ELOA: variants seen among roughly 807,000 people sequenced by gnomAD.
The protein encoded by ELOA is elongin-A.
A neutral mutation model predicts 85.2 loss-of-function variants in ELOA; 15 were observed. The observed-to-expected ratio is 0.18, with a 90% confidence interval of 0.12 to 0.27. ELOA has a LOEUF of 0.27. ELOA is among the 10% of genes least tolerant of loss of function. The probability of loss-of-function intolerance (pLI) is 1.00; values close to 1 mark genes in which losing one functional copy is unlikely to be tolerated. For synonymous variants in ELOA, 348 were observed against 357.2 expected (o/e 0.97, Z 0.29); for missense variants, 769 against 952.7 (o/e 0.81, Z 2.54).
chr1:23,755,287 A>AG (rs1470135968), intron 7 of ELOA, among the ~76,000 whole-genome samples: 2 of 152,200 alleles, frequency 1.3e-5, no homozygotes, highest in African/African-American at 2.4e-5. Context: ...GATTTTCTAA[A>AG]GGAAAAGACT....
intron 7 of ELOA, among the ~76,000 whole-genome samples, 157 bp from the exon 8 acceptor site, chr1:23,755,686 G>A (rs555832479): frequency 9.2e-5 from 14 of 151,702 alleles, no homozygotes; most frequent in East Asian, 1.9e-4. Flanking sequence ...AGGCTGAGGC[G>A]TGAGAATCGC....
chr1:23,744,018 A>C (rs1644735747), intron 1 of ELOA: 2 of 154,798 alleles, frequency 1.3e-5, no homozygotes, highest in South Asian at 4.1e-4. Context: ...CGCTGGGAGG[A>C]GAAGACGGGC....
intron 5 of ELOA, among the ~76,000 whole-genome samples, chr1:23,753,802 C>A (rs1557454741): frequency 6.6e-6 from 1 of 152,136 alleles, no homozygotes; most frequent in Non-Finnish European, 1.5e-5. Flanking sequence ...CATCTTGGCT[C>A]ACTGCAGCCT....
chr1:23,759,551 A>G lies in ELOA; in HGVS notation c.2297A>G (p.Lys766Arg). The change falls in exon 11 of 11, where the codon AAG (lysine) becomes AGG (arginine). Residue 766 changes from lysine (K) to arginine (R), a missense_variant. By Grantham distance (26) the Lys-to-Arg change is conservative. Around this residue, in one of 4 missense-constraint regions of ELOA, gnomAD observed 116 missense variants for 141.0 expected, o/e 0.82. Transcript: ENST00000613537. ...PMMAKTIKAFKNRFSRR is the reference protein window; with the variant it reads ...PMMAKTIKAFRNRFSRR ...ATGGCCAAGACAATTAAAGCTTTCA[A>G]GAACAGATTCTCCCGACGATAAACT... is the stretch of plus-strand genomic sequence containing the variant. 6.2e-7 allele frequency: 1 copy of G among 1,614,248 alleles called. No individual in the cohort carries two copies. Among genetic ancestry groups the G allele is most frequent in the Admixed American group, 1.7e-5 (1 of 60,030 alleles).
intron 1 of ELOA, among the ~76,000 whole-genome samples, chr1:23,747,946 C>T (rs1644753775): frequency 6.6e-6 from 1 of 152,146 alleles, no homozygotes; most frequent in African/African-American, 2.4e-5. Flanking sequence ...CAAAGGTAAC[C>T]ACAGTTATCT....
At position 23,757,134 on chromosome 1, in the gene ELOA, C is replaced by T; in HGVS notation, c.2257+9C>T. ...GAAACCCACTGTGAAGAGTAAGTAA[C>T]TTGGAGTTCCTGCTCAAATATTATT... On this transcript the variant is annotated intron_variant, in intron 10 of 10. Transcript: ENST00000613537. 1 of 1,528,690 alleles carries T rather than the reference C, an allele frequency of 6.5e-7. No homozygotes were observed. The highest frequency in any genetic ancestry group is 8.8e-7 in the Non-Finnish European group (1 of 1,140,754). 94.7% of individuals were successfully genotyped at this position (1,528,690 alleles called of 1,614,324 possible).
At chr1:23,754,014 G>A in intron 5 of ELOA, 86 bp from the exon 6 acceptor site, 4 of 1,508,820 alleles carry the variant, frequency 2.7e-6, no homozygotes, top group Non-Finnish European at 3.6e-6. Flanking sequence ...ATTGCCATTG[G>A]GAAAGGGAAG....
At position 23,756,411 on chromosome 1, in the gene ELOA, T is replaced by C. The variant is rs1427879529; in HGVS notation, c.2084+26T>C. 4 of 1,544,980 alleles carry C rather than the reference T, an allele frequency of 2.6e-6. No individual in the cohort carries two copies. In the Admixed American group the frequency reaches 7.9e-5, roughly 31 times the overall value. Reference sequence around the variant, plus strand: ...GTAAGATCTGTGTTCTTACCTGGCTTTTGTGTGCTATCAACCCTTAGAGGT... The same window carrying C: ...GTAAGATCTGTGTTCTTACCTGGCTCTTGTGTGCTATCAACCCTTAGAGGT... On this transcript the variant is annotated intron_variant, in intron 9 of 10. Coordinates refer to ENST00000613537, the MANE Select transcript of ELOA (RefSeq NM_003198.3).
At chr1:23,754,885 T>C (rs1459018910) in intron 7 of ELOA, among the ~76,000 whole-genome samples, 1 of 152,104 alleles carries the variant, frequency 6.6e-6, no homozygotes, top group African/African-American at 2.4e-5. Flanking sequence ...GGTATACACA[T>C]TTGATTGCAT....
Position 23,751,234 on chromosome 1 carries a change from C to T in ELOA, c.629C>T (p.Pro210Leu). The T allele has an allele frequency of 6.2e-7, 1 of 1,614,212 alleles. No homozygotes were observed. Among genetic ancestry groups the T allele is most frequent in the Non-Finnish European group, 8.5e-7 (1 of 1,180,050 alleles). The part of the protein sequence containing the change: ...DQEPIVSHQK[P>L]GKGHSNAFQD... The stretch of plus-strand genomic sequence containing the variant: ...GAGCCCATTGTTTCACACCAGAAGC[C>T]TGGGAAAGGCCACAGCAATGCCTTT... Residue 210 changes from proline (P) to leucine (L), a missense_variant, in exon 4 of 11, where the codon CCT becomes CTT. Physicochemically the swap from Pro to Leu is moderately conservative, Grantham distance 98. Around this residue, in one of 4 missense-constraint regions of ELOA, gnomAD observed 440 missense variants for 474.0 expected, o/e 0.93. Transcript: ENST00000613537.
At chr1:23,743,982 C>G in intron 1 of ELOA, 1 of 160,126 alleles carries the variant, frequency 6.2e-6, no homozygotes, top group African/African-American at 2.4e-5. Context: ...CGCGGAGCGG[C>G]GCGGACTCCC....
chr1:23,753,232 G>A (rs1470129121), intron 5 of ELOA, among the ~76,000 whole-genome samples: 1 of 152,150 alleles, frequency 6.6e-6, no homozygotes, highest in Non-Finnish European at 1.5e-5. Context: ...TGATGGCTTG[G>A]GTTTGAATCC....
chr1:23,753,722 T>C (rs1644782640), intron 5 of ELOA, among the ~76,000 whole-genome samples: 1 of 152,192 alleles, frequency 6.6e-6, no homozygotes, highest in Non-Finnish European at 1.5e-5. Flanking sequence ...AGGAATAAGA[T>C]ACATTTGCTT....
intron 2 of ELOA, among the ~76,000 whole-genome samples, chr1:23,749,334 G>A (rs1188479771): frequency 6.6e-6 from 1 of 152,152 alleles, no homozygotes; most frequent in Non-Finnish European, 1.5e-5. Flanking sequence ...TAAATGTTCT[G>A]GAATTAGATG....
chr1:23,748,991 C>G (rs1373545695), intron 1 of ELOA, 30 bp from the exon 2 acceptor site: 2 of 1,580,316 alleles, frequency 1.3e-6, no homozygotes, highest in Non-Finnish European at 1.7e-6. Flanking sequence ...GTGAATTTGA[C>G]TATTGAAATT....
intron 3 of ELOA, among the ~76,000 whole-genome samples, chr1:23,750,155 C>T (rs1010277497): frequency 2.2e-5 from 3 of 138,150 alleles, no homozygotes; most frequent in Non-Finnish European, 3.1e-5. Flanking sequence ...ACGTTATGAA[C>T]ATTTTGGTAC....
At position 23,751,298 on chromosome 1, in the gene ELOA, T is replaced by C; in HGVS notation, c.693T>C (p.Gly231=). ...RLGASQERHL[G]EPHGKGVVSQ... ...GGGCCAGCCAAGAACGACACCTGGGTGAACCCCATGGGAAAGGGGTTGTGA... is the reference window on the plus strand; with the variant it reads ...GGGCCAGCCAAGAACGACACCTGGGCGAACCCCATGGGAAAGGGGTTGTGA... Residue 231 remains glycine, a synonymous_variant, in exon 4 of 11, where the codon GGT becomes GGC. Coordinates refer to ENST00000613537, the MANE Select transcript of ELOA (RefSeq NM_003198.3). 6.2e-7 allele frequency: 1 copy of C among 1,614,112 alleles called. No individual in the cohort carries two copies. The highest frequency in any genetic ancestry group is 1.1e-5 in the South Asian group (1 of 91,080).
intron 3 of ELOA, among the ~76,000 whole-genome samples, chr1:23,750,588 T>A (rs1001693994): frequency 1.3e-5 from 2 of 152,202 alleles, no homozygotes; most frequent in Non-Finnish European, 2.9e-5. Flanking sequence ...TGTCCCCATG[T>A]TTTAATAAAT....
At chr1:23,746,380 G>A (rs989457600) in intron 1 of ELOA, among the ~76,000 whole-genome samples, 24 of 145,428 alleles carry the variant, frequency 1.7e-4, no homozygotes, top group Non-Finnish European at 3.5e-4. Flanking sequence ...GGCCAAGAGG[G>A]GCGGATCATC....
Sources: allele counts gnomAD v4.1 joint callset (sites outside exome capture counted in the v4.1 genomes callset), GRCh38; gene constraint gnomAD v4.1.1; regional missense constraint gnomAD v4.1.1; transcripts MANE v1.5; gene names NCBI Gene and HGNC (gene_info 2026-07-23, HGNC 2026-07-21).